Variants in GPRC5B observed in about 807,000 individuals in gnomAD.
The protein encoded by GPRC5B is G protein-coupled receptor family C group 5 member B.
GPRC5B carries 16 observed loss-of-function variants against 30.1 expected under a neutral mutation model. The ratio of observed to expected loss-of-function variants is 0.53; its 90% CI spans 0.36 to 0.81. GPRC5B has a LOEUF of 0.81. Ranked by LOEUF, GPRC5B falls within the 30% of genes least tolerant of loss-of-function variation. The probability of loss-of-function intolerance (pLI) is 0.01; values close to 1 mark genes in which losing one functional copy is unlikely to be tolerated. For missense variants in GPRC5B, 428 were observed against 544.7 expected, an observed-to-expected ratio of 0.79 and a Z score of 2.13; for synonymous variants, 241 against 239.5, an observed-to-expected ratio of 1.01 and a Z score of -0.06.
At chr16:19,878,653 A>G (rs957471721) in intron 1 of GPRC5B, among the ~76,000 whole-genome samples, 6 of 151,270 alleles carry the variant, frequency 4.0e-5, no homozygotes, top group Admixed American at 6.6e-5. Context: ...TCTTCCCCCA[A>G]CCCCTACCTC....
rs1390757703 is a variant in GPRC5B at position 19,859,296 on chromosome 16, G to T, written c.*1204C>A. On this transcript the variant is annotated 3_prime_UTR_variant, in exon 4 of 4. Transcript: ENST00000300571. The stretch of plus-strand genomic sequence containing the variant: ...ATGCTAAATAACAAAGGAATGACTT[G>T]CTCAGGACAGATGGAAACCATGACA... 1 of 152,668 alleles carries T rather than the reference G, an allele frequency of 6.6e-6. No homozygotes were observed. Among genetic ancestry groups the T allele is most frequent in the Non-Finnish European group, 1.5e-5 (1 of 68,088 alleles). 9.5% of individuals were successfully genotyped at this position (152,668 alleles called of 1,614,324 possible).
intron 2 of GPRC5B, among the ~76,000 whole-genome samples, chr16:19,867,617 G>T (rs910500430): frequency 2.0e-5 from 3 of 152,178 alleles, no homozygotes; most frequent in Admixed American, 6.5e-5. Context: ...TTGAGAATCT[G>T]ACAAAGCCAT....
chr16:19,868,213 A>G (rs1567208485), intron 2 of GPRC5B, among the ~76,000 whole-genome samples: 1 of 152,024 alleles, frequency 6.6e-6, no homozygotes, highest in Non-Finnish European at 1.5e-5. Flanking sequence ...CATCTCTACT[A>G]AAAATACAAA....
At chr16:19,876,533 A>AG (rs1315422770) in intron 1 of GPRC5B, among the ~76,000 whole-genome samples, 1 of 152,048 alleles carries the variant, frequency 6.6e-6, no homozygotes, top group East Asian at 1.9e-4. Context: ...TCACTCCCTG[A>AG]GGGGGTTCTC....
rs746238177 is a variant in GPRC5B at position 19,872,236 on chromosome 16, G to T, written c.610C>A (p.Leu204Ile). The change falls in exon 2 of 4, where the codon CTC becomes ATC. Residue 204 changes from leucine (L) to isoleucine (I), a missense_variant. Leu to Ile is a conservative substitution (Grantham distance 5, BLOSUM62 2). Around this residue, in one of 3 missense-constraint regions of GPRC5B, gnomAD observed 213 missense variants for 229.1 expected, o/e 0.93. Transcript: ENST00000300571. The surrounding 1 kb of genome is among the most constrained non-coding windows in gnomAD (Gnocchi z 5.0). Reference sequence around the variant, plus strand: ...ACAAGCAGTACCATGTCGTAGATGAGGGCCATCACAAAGTCCATGGGCTCG... The same window carrying T: ...ACAAGCAGTACCATGTCGTAGATGATGGCCATCACAAAGTCCATGGGCTCG... ...AYEPMDFVMA[L>I]IYDMVLLVVT... The T allele has an allele frequency of 1.7e-5, 27 of 1,614,076 alleles. No individual in the cohort carries two copies. The highest frequency in any genetic ancestry group is 6.7e-5 in the Admixed American group (4 of 60,006).
Position 19,872,074 on chromosome 16 carries a change from T to G in GPRC5B, c.772A>C (p.Asn258His). Residue 258 changes from asparagine to histidine, a missense_variant, in exon 2 of 4, where the codon AAT becomes CAT. Coordinates refer to ENST00000300571, the MANE Select transcript of GPRC5B (RefSeq NM_016235.3). This position sits in a 1 kb window ranked among gnomAD's most constrained non-coding sequence, Gnocchi z 5.0. Reference protein sequence around the residue: ...VAWMTMYLFGNVKLQQGDAWN... With the variant: ...VAWMTMYLFGHVKLQQGDAWN... ...GCATCCCCCTGCTGCAGCTTGACAT[T>G]GCCGAAGAGGTACATGGTCATCCAG... The G allele has an allele frequency of 6.2e-7, 1 of 1,614,070 alleles. No homozygotes were observed. Among genetic ancestry groups the G allele is most frequent in the Admixed American group, 1.7e-5 (1 of 60,016 alleles).
At chr16:19,874,999 T>C (rs1279760646) in intron 1 of GPRC5B, among the ~76,000 whole-genome samples, 1 of 151,990 alleles carries the variant, frequency 6.6e-6, no homozygotes, top group Non-Finnish European at 1.5e-5. Context: ...AACCCACGTG[T>C]GGGGTTGTGA....
At chr16:19,865,192 A>G (rs367962931) in intron 2 of GPRC5B, among the ~76,000 whole-genome samples, 9 of 152,076 alleles carry the variant, frequency 5.9e-5, no homozygotes, top group African/African-American at 2.2e-4. Flanking sequence ...TACAGTTGTG[A>G]GCCACTGCAC....
At chr16:19,863,439 C>T (rs1354637228) in intron 2 of GPRC5B, among the ~76,000 whole-genome samples, 2 of 150,700 alleles carry the variant, frequency 1.3e-5, no homozygotes, top group East Asian at 2.0e-4. Flanking sequence ...CAAGGTCACA[C>T]AGCTGGTAAG....
At position 19,872,585 on chromosome 16, in the gene GPRC5B, C is replaced by T. The variant is rs2056730871; in HGVS notation, c.261G>A (p.Lys87=). ...GGAGGCCCACAGGGCTCTTCTTCTC[C>T]TTCTCCTTGATGAAGGGCAGCCGCA... ...LLVRLPFIKE[K]EKKSPVGLHF... The change falls in exon 2 of 4, where the codon AAG becomes AAA. Residue 87 remains lysine, a synonymous_variant. Coordinates refer to ENST00000300571, the MANE Select transcript of GPRC5B (RefSeq NM_016235.3). This position sits in a 1 kb window ranked among gnomAD's most constrained non-coding sequence, Gnocchi z 5.0. 2 of 1,614,114 alleles carry T rather than the reference C, an allele frequency of 1.2e-6. No individual in the cohort carries two copies. Among genetic ancestry groups the T allele is most frequent in the South Asian group, 1.1e-5 (1 of 91,080 alleles).
At chr16:19,866,170 G>A (rs865983269) in intron 2 of GPRC5B, among the ~76,000 whole-genome samples, 3 of 151,940 alleles carry the variant, frequency 2.0e-5, no homozygotes, top group East Asian at 1.9e-4. Context: ...CTTGTGATCC[G>A]CCTGCCTCGG....
At position 19,857,443 on chromosome 16, in the gene GPRC5B, C is replaced by CT; in HGVS notation, c.*3056dup. The CT allele has an allele frequency of 4.6e-6, 2 of 438,454 alleles. No homozygotes were observed. The highest frequency in any genetic ancestry group is 9.0e-6 in the Non-Finnish European group (2 of 222,510). 27.2% of individuals were successfully genotyped at this position (438,454 alleles called of 1,614,324 possible). A position where few individuals can be genotyped will look rare whatever the true frequency, so the allele number is the denominator to read the frequency against. ...GATTGTCTTGAAATTTCTTTAACTT[C>CT]TTTTTTATAAGTATGCAACAGTCAG... is the stretch of plus-strand genomic sequence containing the variant. On this transcript the variant is annotated 3_prime_UTR_variant, in exon 4 of 4. Transcript: ENST00000300571.
At chr16:19,881,639 G>A (rs1204874966) in intron 1 of GPRC5B, among the ~76,000 whole-genome samples, 16 of 152,174 alleles carry the variant, frequency 1.1e-4, no homozygotes, top group South Asian at 2.1e-4. Context: ...AAAATAAGCC[G>A]GGCGTGGTGG....
chr16:19,865,370 A>G (rs1282847440), intron 2 of GPRC5B, among the ~76,000 whole-genome samples: 4 of 152,214 alleles, frequency 2.6e-5, no homozygotes, highest in African/African-American at 7.2e-5. Context: ...CTGGGGTGCC[A>G]TCTGGCCATA....
chr16:19,861,722 G>A (rs1395459706), intron 3 of GPRC5B, 115 bp downstream of exon 3: 26 of 783,452 alleles, frequency 3.3e-5, no homozygotes, highest in South Asian at 6.8e-5. Context: ...GAGCTGTGGC[G>A]GTCCTTGCAG....
At chr16:19,868,568 A>T (rs946172126) in intron 2 of GPRC5B, among the ~76,000 whole-genome samples, 1 of 152,072 alleles carries the variant, frequency 6.6e-6, no homozygotes, top group South Asian at 2.1e-4. Context: ...CTGGGTTCCC[A>T]GTGCTGATCT....
Position 19,874,179 on chromosome 16 carries a change from C to T in GPRC5B, c.-1-1333G>A, listed in dbSNP as rs566074490. On this transcript the variant is annotated intron_variant, in intron 1 of 3. Transcript: ENST00000300571. ...CTGGAGGATTCCCCAGAGTGCCTCT[C>T]TCCCTGGGAAACCTGCAGAATTCTC... 2.0e-5 allele frequency among the ~76,000 whole-genome samples: 3 copies of T among 152,332 alleles called. No individual in the cohort carries two copies. In the East Asian group the frequency reaches 5.8e-4, roughly 29 times the overall value.
Position 19,856,868 on chromosome 16 carries a change from G to C in GPRC5B, c.*3632C>G, listed in dbSNP as rs969032871. ...ATGAACTCTAGTCCCAAGGAATACA[G>C]AAGTGCTCTTATTACCAGTTTTCCC... On this transcript the variant is annotated 3_prime_UTR_variant, in exon 4 of 4. Transcript: ENST00000300571. 1.2e-5 allele frequency: 3 copies of C among 257,390 alleles called. No homozygotes were observed. Among genetic ancestry groups the C allele is most frequent in the African/African-American group, 6.8e-5 (3 of 44,382 alleles). 15.9% of individuals were successfully genotyped at this position (257,390 alleles called of 1,614,324 possible). A position where few individuals can be genotyped will look rare whatever the true frequency, so the allele number is the denominator to read the frequency against.
Position 19,861,952 on chromosome 16 carries a change from G to T in GPRC5B, c.1052C>A (p.Pro351His). The change falls in exon 3 of 4, where the codon CCC (proline) becomes CAC (histidine). Residue 351 changes from proline to histidine, a missense_variant. Physicochemically the swap from Pro to His is moderately conservative, Grantham distance 77. Around this residue, in one of 3 missense-constraint regions of GPRC5B, gnomAD observed 213 missense variants for 229.1 expected, o/e 0.93. Transcript: ENST00000300571. ...GGGTCTTTTTCCCAAGCTGCCGTTGGGAAATCCTGCTGTTCGGAGAGCTGG... is the reference window on the plus strand; with the variant it reads ...GGGTCTTTTTCCCAAGCTGCCGTTGTGAAATCCTGCTGTTCGGAGAGCTGG... ...HNAALRTAGF[P>H]NGSLGKRPSG... is the part of the protein sequence containing the mutation. 6.2e-7 allele frequency: 1 copy of T among 1,614,014 alleles called. No individual in the cohort carries two copies. The highest frequency in any genetic ancestry group is 8.5e-7 in the Non-Finnish European group (1 of 1,179,960).
Sources: gnomAD v4.1 joint callset for allele counts (sites outside exome capture counted in the v4.1 genomes callset) on GRCh38, gnomAD v4.1.1 for gene constraint, gnomAD v4.1.1 regional missense constraint, Gnocchi (gnomAD v3.1) non-coding constraint, MANE v1.5 for transcripts, NCBI Gene and HGNC (gene_info 2026-07-23, HGNC 2026-07-21) for gene names.